DNAAF5: variants seen among roughly 807,000 people sequenced by gnomAD.
DNAAF5 encodes the protein dynein axonemal assembly factor 5.
Under a neutral mutation model 75.8 loss-of-function variants are expected in DNAAF5, and 64 were observed. The ratio of observed to expected loss-of-function variants is 0.84; its 90% confidence interval spans 0.69 to 1.04. The LOEUF (loss-of-function observed/expected upper bound fraction) is 1.04. Among genes scored for constraint, DNAAF5 ranks in the 50% least tolerant of loss-of-function variants. The probability of loss-of-function intolerance (pLI) is 0.00; values close to 1 mark genes in which losing one functional copy is unlikely to be tolerated. For missense variants in DNAAF5, 1,269 were observed against 1,178.5 expected (o/e 1.08, Z -1.12); for synonymous variants, 657 against 557.2 (o/e 1.18, Z -2.52).
chr7:785,892 T>C lies in DNAAF5; in HGVS notation c.*239T>C. ...CCAAACATCTGCAGCTGATTTGAAA[T>C]TAAAAGTAAGTCGCAGCCGCTCCTC... On this transcript the variant is annotated 3_prime_UTR_variant, in exon 13 of 13. Coordinates refer to ENST00000297440, the MANE Select transcript of DNAAF5 (RefSeq NM_017802.4). The C allele has an allele frequency of 2.0e-6, 1 of 495,114 alleles. No individual in the cohort carries two copies. Among genetic ancestry groups the C allele is most frequent in the South Asian group, 3.2e-5 (1 of 31,328 alleles). 30.7% of individuals were successfully genotyped at this position (495,114 alleles called of 1,614,324 possible).
chr7:757,428 G>A (rs551097169), intron 6 of DNAAF5, among the ~76,000 whole-genome samples: 73 of 152,330 alleles, frequency 4.8e-4, no homozygotes, highest in African/African-American at 1.7e-3. Context: ...GAGCGTGGTC[G>A]CACGTCCACC....
At chr7:738,158 G>A (rs1037770864) in intron 2 of DNAAF5, among the ~76,000 whole-genome samples, 18 of 152,242 alleles carry the variant, frequency 1.2e-4, no homozygotes, top group African/African-American at 3.9e-4. Context: ...TCTTCAAGCT[G>A]CTCACTAATT....
intron 8 of DNAAF5, chr7:768,886 C>T: frequency 2.0e-6 from 1 of 500,860 alleles, no homozygotes; most frequent in East Asian, 3.1e-5. Flanking sequence ...GTGAAACAGT[C>T]AGAAACTGGG....
chr7:744,535 C>T (rs1295737836), intron 4 of DNAAF5, among the ~76,000 whole-genome samples: 1 of 151,620 alleles, frequency 6.6e-6, no homozygotes, highest in Non-Finnish European at 1.5e-5. Flanking sequence ...TTTATGCAGC[C>T]AAAAAACACA....
At chr7:774,003 G>A (rs1336233747) in intron 9 of DNAAF5, 45 bp from the exon 10 acceptor site, 1 of 1,611,594 alleles carries the variant, frequency 6.2e-7, no homozygotes, top group Non-Finnish European at 8.5e-7. Flanking sequence ...TTTCTTCCGA[G>A]CACCTGTCCG....
intron 8 of DNAAF5, chr7:768,918 T>C (rs1778453511): frequency 1.8e-6 from 1 of 543,556 alleles, no homozygotes; most frequent in African/African-American, 1.9e-5. Flanking sequence ...GTGGTTCTCG[T>C]GGCAGGGCGG....
At chr7:752,115 C>A (rs1782316289) in intron 4 of DNAAF5, among the ~76,000 whole-genome samples, 1 of 152,150 alleles carries the variant, frequency 6.6e-6, no homozygotes, top group Admixed American at 6.5e-5. Flanking sequence ...GAAACAGGCG[C>A]CCGCACGCGG....
chr7:753,956 G>A (rs1047675001), intron 4 of DNAAF5, among the ~76,000 whole-genome samples: 3 of 148,260 alleles, frequency 2.0e-5, no homozygotes, highest in Admixed American at 6.7e-5. Flanking sequence ...CTTCGCAGGC[G>A]TGTCTCTCTC....
intron 4 of DNAAF5, among the ~76,000 whole-genome samples, chr7:745,559 C>A (rs773358414): frequency 6.6e-6 from 1 of 152,144 alleles, no homozygotes; most frequent in East Asian, 1.9e-4. Flanking sequence ...GTACACACAT[C>A]CTCGCACATG....
At chr7:758,128 C>T (rs1583499762) in intron 6 of DNAAF5, among the ~76,000 whole-genome samples, 2 of 152,250 alleles carry the variant, frequency 1.3e-5, no homozygotes, top group African/African-American at 4.8e-5. Flanking sequence ...TCCCAAAACC[C>T]GTTTTTAACA....
chr7:727,969 C>T (rs1005237029), intron 1 of DNAAF5, among the ~76,000 whole-genome samples: 1 of 151,690 alleles, frequency 6.6e-6, no homozygotes, highest in Admixed American at 6.6e-5. Context: ...GGACTTGCAC[C>T]TGGTTGAGGG....
intron 8 of DNAAF5, among the ~76,000 whole-genome samples, chr7:767,888 G>C (rs1265922934): frequency 6.9e-6 from 1 of 145,746 alleles, no homozygotes; most frequent in Non-Finnish European, 1.5e-5. Flanking sequence ...ATGGTCCGGT[G>C]GAAGTGTCCC....
Position 756,895 on chromosome 7 carries a change from C to T in DNAAF5, c.1371C>T (p.Ala457=), listed in dbSNP as rs568531246. 2.0e-5 allele frequency: 32 copies of T among 1,612,992 alleles called. 1 individual carries two copies. The East Asian group carries it at 6.5e-4, about 33-fold the overall frequency. ...TPSASGLLVL[A]SAMRGCPREA... Reference sequence around the variant, plus strand: ...CTGCCTCCGGCCTCCTGGTGCTGGCCTCCGCCATGCGGGGTTGCCCCCGAG... The same window carrying T: ...CTGCCTCCGGCCTCCTGGTGCTGGCTTCCGCCATGCGGGGTTGCCCCCGAG... Residue 457 remains alanine (A), a synonymous_variant, in exon 6 of 13, where the codon GCC becomes GCT. Coordinates refer to ENST00000297440, the MANE Select transcript of DNAAF5 (RefSeq NM_017802.4).
Position 783,311 on chromosome 7 carries a change from T to C in DNAAF5, c.2432-2206T>C, listed in dbSNP as rs188438658. Among the ~76,000 whole-genome samples, 324 of 152,002 alleles carry C rather than the reference T, an allele frequency of 2.1e-3. 2 individuals carry two copies. Among genetic ancestry groups the C allele is most frequent in the Non-Finnish European group, 9.6e-4 (65 of 67,954 alleles). ...CGGGTGTAAGCCGTGTGCGTGAGGG[T>C]GAGTGTGGCAGGTGAAGCCGTGTGC... is the stretch of plus-strand genomic sequence containing the variant. On this transcript the variant is annotated intron_variant, in intron 12 of 12. Coordinates refer to ENST00000297440, the MANE Select transcript of DNAAF5 (RefSeq NM_017802.4).
intron 11 of DNAAF5, among the ~76,000 whole-genome samples, chr7:777,260 G>C (rs1248315976): frequency 2.6e-5 from 4 of 152,088 alleles, no homozygotes; most frequent in African/African-American, 7.2e-5. Context: ...ACCAGCCCCT[G>C]GTGCCAAAAA....
At chr7:744,436 G>C (rs188557714) in intron 4 of DNAAF5, among the ~76,000 whole-genome samples, 1 of 152,186 alleles carries the variant, frequency 6.6e-6, no homozygotes, top group Non-Finnish European at 1.5e-5. Context: ...ATGATTTATA[G>C]TCCTTTGGGT....
At position 729,726 on chromosome 7, in the gene DNAAF5, A is replaced by C; in HGVS notation, c.659A>C (p.His220Pro). The C allele has an allele frequency of 6.2e-7, 1 of 1,614,084 alleles. No individual in the cohort carries two copies. Among genetic ancestry groups the C allele is most frequent in the Non-Finnish European group, 8.5e-7 (1 of 1,180,024 alleles). The change falls in exon 2 of 13, where the codon CAC (histidine) becomes CCC (proline). Residue 220 changes from histidine to proline, a missense_variant. Coordinates refer to ENST00000297440, the MANE Select transcript of DNAAF5 (RefSeq NM_017802.4). ...CTGATGCAGACCATCTCCCACCAGC[A>C]CTGGAAGGTCCGTGTGGCCGCCATT... ...GPLMQTISHQ[H>P]WKVRVAAIEA...
At chr7:745,057 G>A (rs1250711485) in intron 4 of DNAAF5, among the ~76,000 whole-genome samples, 1 of 152,218 alleles carries the variant, frequency 6.6e-6, no homozygotes, top group Non-Finnish European at 1.5e-5. Flanking sequence ...CGCCTGTGGT[G>A]GGCTTCTGCG....
At chr7:769,464 C>G (rs1187120386) in intron 8 of DNAAF5, among the ~76,000 whole-genome samples, 1 of 151,976 alleles carries the variant, frequency 6.6e-6, no homozygotes, top group Non-Finnish European at 1.5e-5. Flanking sequence ...GTGCAGGCGC[C>G]CAAGCCTCGC....
Sources: allele counts gnomAD v4.1 joint callset (sites outside exome capture counted in the v4.1 genomes callset), GRCh38; gene constraint gnomAD v4.1.1; transcripts MANE v1.5; gene names NCBI Gene and HGNC (gene_info 2026-07-23, HGNC 2026-07-21).